The following PCDHGA10 variants were observed in gnomAD, a reference collection of about 807,000 sequenced individuals.
The protein encoded by PCDHGA10 is protocadherin gamma subfamily A, 10.
Under a neutral mutation model 59.5 loss-of-function variants are expected in PCDHGA10, and 42 were observed. The ratio of observed to expected loss-of-function variants is 0.71; its 90% CI spans 0.55 to 0.91. The LOEUF (loss-of-function observed/expected upper bound fraction) is 0.91, where lower values mean the gene tolerates loss of function less well. Among genes scored for constraint, PCDHGA10 ranks in the 40% least tolerant of loss-of-function variants. PCDHGA10 has a pLI of 0.00. For missense variants in PCDHGA10, 1,111 were observed against 1,198.2 expected (o/e 0.93, Z 1.07); for synonymous variants, 511 against 517.2 (o/e 0.99, Z 0.16).
rs762312563 is a variant in PCDHGA10 at position 141,493,182 on chromosome 5, A to G, written c.2437-1625A>G. Among the ~76,000 whole-genome samples, 1 of 152,232 alleles carries G rather than the reference A, an allele frequency of 6.6e-6. No homozygotes were observed. The highest frequency in any genetic ancestry group is 2.4e-5 in the African/African-American group (1 of 41,460). The stretch of plus-strand genomic sequence containing the variant: ...TAGCTGATTGAGAGAAACTTACTAT[A>G]TAACTCCTTTGAGAACCTCATCTCA... On this transcript the variant is annotated intron_variant, in intron 1 of 3. Coordinates refer to ENST00000398610, the MANE Select transcript of PCDHGA10 (RefSeq NM_018913.3). The surrounding 1 kb of genome is among the most constrained non-coding windows in gnomAD (Gnocchi z 4.3).
chr5:141,482,981 AGG>A (rs2099575420), intron 1 of PCDHGA10, among the ~76,000 whole-genome samples: 1 of 150,250 alleles, frequency 6.7e-6, no homozygotes, highest in African/African-American at 2.5e-5. Context: ...GCTACTTGAG[AGG>A]TCGAGGCAGG....
In PCDHGA10 at chr5:141,431,457, T is replaced by C; in HGVS notation, c.2436+15846T>C. ...ACCGCGCGCATCCGCGTGATGGTTC[T>C]GGATGCGAACGACAACGCACCAGCG... On this transcript the variant is annotated intron_variant, in intron 1 of 3. Transcript: ENST00000398610. This position sits in a 1 kb window ranked among gnomAD's most constrained non-coding sequence, Gnocchi z 4.8. 6.2e-7 allele frequency: 1 copy of C among 1,613,818 alleles called. No homozygotes were observed. Among genetic ancestry groups the C allele is most frequent in the South Asian group, 1.1e-5 (1 of 91,088 alleles).
chr5:141,425,221 C>T (rs2096862694), intron 1 of PCDHGA10, among the ~76,000 whole-genome samples: 1 of 152,068 alleles, frequency 6.6e-6, no homozygotes, highest in African/African-American at 2.4e-5. Context: ...TGTACTTTGA[C>T]TGGAATTAGT....
At chr5:141,495,605 T>G (rs1201224193) in intron 2 of PCDHGA10, among the ~76,000 whole-genome samples, 2 of 152,228 alleles carry the variant, frequency 1.3e-5, no homozygotes, top group African/African-American at 2.4e-5. Context: ...GCTTCCGTCT[T>G]GATTGCTGCA....
At chr5:141,481,560 G>A (rs1594155886) in intron 1 of PCDHGA10, among the ~76,000 whole-genome samples, 1 of 152,212 alleles carries the variant, frequency 6.6e-6, no homozygotes, top group Non-Finnish European at 1.5e-5. Flanking sequence ...GCTCACGCCT[G>A]TAATCCCAGT....
At chr5:141,456,949 C>A (rs1277351419) in intron 1 of PCDHGA10, among the ~76,000 whole-genome samples, 2 of 152,080 alleles carry the variant, frequency 1.3e-5, no homozygotes, top group East Asian at 3.9e-4. Flanking sequence ...GGCAACAGAG[C>A]AAAACTCCAT....
In PCDHGA10 at chr5:141,432,071, A is replaced by G; in HGVS notation, c.2436+16460A>G. On this transcript the variant is annotated intron_variant, in intron 1 of 3. Transcript: ENST00000398610. The surrounding 1 kb of genome is among the most constrained non-coding windows in gnomAD (Gnocchi z 6.0). ...CCCGCCCCTATCCACGGAAACTCAT[A>G]TCTCGCTGAACGTGGCAGACACCAA... is the stretch of plus-strand genomic sequence containing the variant. 2 of 1,614,158 alleles carry G rather than the reference A, an allele frequency of 1.2e-6. No individual in the cohort carries two copies. The highest frequency in any genetic ancestry group is 1.7e-6 in the Non-Finnish European group (2 of 1,180,032).
intron 1 of PCDHGA10, chr5:141,418,890 G>A (rs1449142412): frequency 1.9e-6 from 3 of 1,613,934 alleles, no homozygotes; most frequent in Non-Finnish European, 2.5e-6. Flanking sequence ...AACGACAACA[G>A]CCCAGAAATA....
At chr5:141,438,637 C>T (rs11958903) in intron 1 of PCDHGA10, among the ~76,000 whole-genome samples, 3,503 of 30,116 alleles carry the variant, frequency 0.12, 108 homozygotes, top group Non-Finnish European at 0.15. Context: ...TATATATATA[C>T]ACACACACAC....
intron 1 of PCDHGA10, chr5:141,419,057 A>T: frequency 6.2e-7 from 1 of 1,613,900 alleles, no homozygotes; most frequent in East Asian, 2.2e-5. Flanking sequence ...TTCTTCTAAT[A>T]ATTACTACAA....
intron 1 of PCDHGA10, chr5:141,427,712 C>A: frequency 9.5e-7 from 1 of 1,051,464 alleles, no homozygotes; most frequent in Non-Finnish European, 1.4e-6. Context: ...GCGCCTCTGA[C>A]CTGGACCTAG....
chr5:141,509,602 C>T (rs921950654), intron 3 of PCDHGA10, among the ~76,000 whole-genome samples: 8 of 152,194 alleles, frequency 5.3e-5, no homozygotes, highest in Non-Finnish European at 8.8e-5. Context: ...TTCCGAGAGG[C>T]TGCATTCTAA....
Position 141,432,254 on chromosome 5 carries a change from G to A in PCDHGA10, c.2436+16643G>A, listed in dbSNP as rs935437220. 6.2e-7 allele frequency: 1 copy of A among 1,614,242 alleles called. No homozygotes were observed. The highest frequency in any genetic ancestry group is 8.5e-7 in the Non-Finnish European group (1 of 1,180,050). ...CCTGGCTGAGAACACCATCCAAGGG[G>A]CAAGCCTATCGTCCTACGTGTCCAT... On this transcript the variant is annotated intron_variant, in intron 1 of 3. Transcript: ENST00000398610. The surrounding 1 kb of genome is among the most constrained non-coding windows in gnomAD (Gnocchi z 6.0).
In PCDHGA10 at chr5:141,413,958, G is replaced by A. The variant is rs774080265; in HGVS notation, c.783G>A (p.Val261=). Residue 261 remains valine, a synonymous_variant, in exon 1 of 4, where the codon GTG becomes GTA. Coordinates refer to ENST00000398610, the MANE Select transcript of PCDHGA10 (RefSeq NM_018913.3). ...YRVSVPENLP[V]GTQLLTVTAT... ...TGAGTGTTCCTGAGAATTTGCCTGT[G>A]GGCACTCAGCTGCTGACAGTCACAG... The A allele has an allele frequency of 5.0e-6, 8 of 1,613,276 alleles. No individual in the cohort carries two copies. In the South Asian group the frequency reaches 6.6e-5, roughly 13 times the overall value.
At chr5:141,430,784 G>T in intron 1 of PCDHGA10, 1 of 1,512,418 alleles carries the variant, frequency 6.6e-7, no homozygotes, top group East Asian at 2.3e-5. Flanking sequence ...ACTGCACCGG[G>T]ACTACAAAGG....
At chr5:141,484,454 G>T (rs932663778) in intron 1 of PCDHGA10, among the ~76,000 whole-genome samples, 2 of 152,212 alleles carry the variant, frequency 1.3e-5, no homozygotes, top group Non-Finnish European at 2.9e-5. Context: ...AATTGGCTAC[G>T]TTAATGTGTA....
At chr5:141,428,164 T>C (rs1221973020) in intron 1 of PCDHGA10, 1 of 1,564,976 alleles carries the variant, frequency 6.4e-7, no homozygotes, top group South Asian at 1.1e-5. Flanking sequence ...TGCTGGTTGC[T>C]GTGCGTGACG....
intron 1 of PCDHGA10, among the ~76,000 whole-genome samples, chr5:141,443,323 A>AG (rs1262238603): frequency 1.3e-5 from 2 of 151,732 alleles, no homozygotes; most frequent in African/African-American, 4.9e-5. Context: ...TCTACAAAAA[A>AG]AAAAAACAAA....
Position 141,477,809 on chromosome 5 carries a change from C to A in PCDHGA10, c.2437-16998C>A. 1 of 1,614,146 alleles carries A rather than the reference C, an allele frequency of 6.2e-7. No individual in the cohort carries two copies. Among genetic ancestry groups the A allele is most frequent in the Non-Finnish European group, 8.5e-7 (1 of 1,180,040 alleles). On this transcript the variant is annotated intron_variant, in intron 1 of 3. Coordinates refer to ENST00000398610, the MANE Select transcript of PCDHGA10 (RefSeq NM_018913.3). The surrounding 1 kb of genome is among the most constrained non-coding windows in gnomAD (Gnocchi z 4.9). ...TGTCACTGATCGCAATGACAATGCC[C>A]CCCAGGTCCTATATCCTCGGCCAGG...
Sources: gnomAD v4.1 joint callset for allele counts (sites outside exome capture counted in the v4.1 genomes callset) on GRCh38, gnomAD v4.1.1 for gene constraint, Gnocchi (gnomAD v3.1) non-coding constraint, MANE v1.5 for transcripts, NCBI Gene and HGNC (gene_info 2026-07-23, HGNC 2026-07-21) for gene names.